XKR6: variants seen among roughly 807,000 people sequenced by gnomAD.
The protein encoded by XKR6 is XK related 6, also known as XK-related protein 6.
A neutral mutation model predicts 56.7 loss-of-function variants in XKR6; 22 were observed. The observed-to-expected ratio is 0.39, with a 90% CI of 0.28 to 0.55. XKR6 has a LOEUF of 0.55. XKR6 is among the 20% of genes least tolerant of loss of function. XKR6 has a pLI of 0.66. For missense variants in XKR6, 852 were observed against 889.0 expected (o/e 0.96, Z 0.53); for synonymous variants, 524 against 387.8 (o/e 1.35, Z -4.13).
chr8:10,946,699 T>C (rs965842300), intron 1 of XKR6, among the ~76,000 whole-genome samples: 1 of 152,106 alleles, frequency 6.6e-6, no homozygotes, highest in Non-Finnish European at 1.5e-5. Flanking sequence ...TCCTACTGCA[T>C]GCCAGGCACT....
chr8:11,139,408 C>T (rs1036090394), intron 1 of XKR6, among the ~76,000 whole-genome samples: 9 of 152,112 alleles, frequency 5.9e-5, no homozygotes, highest in Non-Finnish European at 1.0e-4. Context: ...GAGGCATGGG[C>T]TCTCGGGAAG....
chr8:11,190,182 GA>G (rs1312655844), intron 1 of XKR6, among the ~76,000 whole-genome samples: 43 of 64,070 alleles, frequency 6.7e-4, no homozygotes, highest in Non-Finnish European at 9.9e-4. Flanking sequence ...AGAAAAGAAA[GA>G]AAAGAAAGAA....
intron 1 of XKR6, among the ~76,000 whole-genome samples, chr8:10,983,844 T>G (rs923524334): frequency 6.6e-6 from 1 of 151,780 alleles, no homozygotes; most frequent in Non-Finnish European, 1.5e-5. Context: ...TTTCGTTGAG[T>G]TGGGGTTTCA....
At chr8:11,150,815 T>A (rs1485007163) in intron 1 of XKR6, among the ~76,000 whole-genome samples, 1 of 137,278 alleles carries the variant, frequency 7.3e-6, no homozygotes, top group African/African-American at 2.9e-5. Context: ...ATCAGGCCAC[T>A]GCACTCCAGC....
intron 1 of XKR6, among the ~76,000 whole-genome samples, chr8:11,162,307 C>T (rs915294880): frequency 6.6e-5 from 10 of 152,152 alleles, no homozygotes; most frequent in East Asian, 3.8e-4. Context: ...CAGGAAAAGC[C>T]GCCTTCTCCC....
intron 1 of XKR6, among the ~76,000 whole-genome samples, chr8:11,095,103 C>A (rs10087767): frequency 0.019 from 2,948 of 152,158 alleles, 81 homozygotes; most frequent in African/African-American, 0.067. Flanking sequence ...AAATCTTTAA[C>A]GAGAAAGCCT....
intron 1 of XKR6, among the ~76,000 whole-genome samples, chr8:10,950,191 G>C (rs1442780025): frequency 1.3e-5 from 2 of 151,782 alleles, no homozygotes; most frequent in African/African-American, 4.8e-5. Context: ...CCTGTCGCAG[G>C]CCAGCAGCCC....
intron 1 of XKR6, among the ~76,000 whole-genome samples, chr8:10,944,663 A>G (rs938174993): frequency 6.6e-6 from 1 of 152,170 alleles, no homozygotes; most frequent in African/African-American, 2.4e-5. Flanking sequence ...AACAGACTCT[A>G]GAACCTTCCA....
At chr8:11,113,795 T>A (rs1563145448) in intron 1 of XKR6, 1 of 158,756 alleles carries the variant, frequency 6.3e-6, no homozygotes, top group Non-Finnish European at 1.4e-5. Flanking sequence ...AAGGTTTAAT[T>A]AGCATTTATG....
chr8:11,102,519 A>T (rs1234069476), intron 1 of XKR6, among the ~76,000 whole-genome samples: 1 of 152,208 alleles, frequency 6.6e-6, no homozygotes, highest in African/African-American at 2.4e-5. Flanking sequence ...GACAGACAGG[A>T]AGCAAGAATG....
chr8:11,123,190 T>C (rs1469001024), intron 1 of XKR6, among the ~76,000 whole-genome samples: 5 of 148,834 alleles, frequency 3.4e-5, no homozygotes, highest in African/African-American at 1.0e-4. Context: ...TGAGCCGAGA[T>C]TGTGCCACTG....
chr8:10,938,395 C>T (rs938661718), intron 1 of XKR6, among the ~76,000 whole-genome samples: 1 of 152,232 alleles, frequency 6.6e-6, no homozygotes, highest in South Asian at 2.1e-4. Context: ...TAGAGCGGAG[C>T]TGTTCCTATT....
chr8:10,918,911 C>A (rs1800636289), intron 2 of XKR6, among the ~76,000 whole-genome samples: 1 of 152,212 alleles, frequency 6.6e-6, no homozygotes, highest in Non-Finnish European at 1.5e-5. Context: ...CATCCCATAA[C>A]CTCACACCTG....
chr8:11,129,953 T>G (rs1263521505), intron 1 of XKR6, among the ~76,000 whole-genome samples: 1 of 152,164 alleles, frequency 6.6e-6, no homozygotes, highest in African/African-American at 2.4e-5. Context: ...AAAGCTCAAG[T>G]GTCAATCTGA....
intron 1 of XKR6, among the ~76,000 whole-genome samples, chr8:11,065,709 C>T (rs548146954): frequency 2.2e-4 from 33 of 152,276 alleles, no homozygotes; most frequent in African/African-American, 7.5e-4. Context: ...CCCTCCAAGC[C>T]GGGCTAAAGT....
chr8:10,911,991 A>T (rs995435305), intron 2 of XKR6, among the ~76,000 whole-genome samples: 1 of 137,110 alleles, frequency 7.3e-6, no homozygotes, highest in African/African-American at 2.7e-5. Flanking sequence ...AAGAGAGAGA[A>T]TATATATATA....
intron 1 of XKR6, among the ~76,000 whole-genome samples, chr8:11,076,837 G>A (rs969489228): frequency 5.9e-5 from 9 of 152,162 alleles, no homozygotes; most frequent in Non-Finnish European, 1.0e-4. Context: ...GGACAAGAAA[G>A]TTCAGGCCTT....
At chr8:11,191,094 C>G (rs532249042) in intron 1 of XKR6, among the ~76,000 whole-genome samples, 13 of 152,278 alleles carry the variant, frequency 8.5e-5, no homozygotes, top group South Asian at 2.1e-4. Context: ...CTTTATTGAT[C>G]TTAGTTTCTC....
chr8:11,092,510 G>T (rs1332628813), intron 1 of XKR6, among the ~76,000 whole-genome samples: 1 of 152,164 alleles, frequency 6.6e-6, no homozygotes, highest in Non-Finnish European at 1.5e-5. Flanking sequence ...CTGATGCTCT[G>T]GAAGCCATGA....
Sources: allele counts gnomAD v4.1 joint callset (sites outside exome capture counted in the v4.1 genomes callset), GRCh38; gene constraint gnomAD v4.1.1; transcripts MANE v1.5; gene names NCBI Gene and HGNC (gene_info 2026-07-23, HGNC 2026-07-21).